Variants in NUBPL observed in about 807,000 individuals in gnomAD.
NUBPL encodes iron-sulfur cluster transfer protein NUBPL.
NUBPL carries 31 observed loss-of-function variants against 45.7 expected under a neutral mutation model. The observed-to-expected ratio is 0.68, with a 90% CI of 0.51 to 0.92. The LOEUF is 0.92. NUBPL is among the 40% of genes least tolerant of loss of function. The probability of loss-of-function intolerance (pLI) is 0.00; values close to 1 mark genes in which losing one functional copy is unlikely to be tolerated. For missense variants in NUBPL, 401 were observed against 398.7 expected (o/e 1.01, Z -0.05); for synonymous variants, 144 against 140.9 (o/e 1.02, Z -0.15).
intron 6 of NUBPL, among the ~76,000 whole-genome samples, chr14:31,719,156 C>T (rs2037753067): frequency 6.6e-6 from 1 of 152,186 alleles, no homozygotes; most frequent in Non-Finnish European, 1.5e-5. Context: ...TGTTTACCCT[C>T]ATGACTGAAT....
chr14:31,602,659 A>G (rs1301863929), intron 4 of NUBPL, among the ~76,000 whole-genome samples: 1 of 152,166 alleles, frequency 6.6e-6, no homozygotes, highest in Non-Finnish European at 1.5e-5. Flanking sequence ...AAATAGTTAC[A>G]ACTACTGTGA....
At chr14:31,724,397 AT>A (rs1305761093) in intron 6 of NUBPL, among the ~76,000 whole-genome samples, 3 of 152,184 alleles carry the variant, frequency 2.0e-5, no homozygotes, top group African/African-American at 7.2e-5. Context: ...TTTTGAAGGC[AT>A]TTTATTGATT....
At chr14:31,618,080 C>A (rs925351257) in intron 4 of NUBPL, among the ~76,000 whole-genome samples, 1 of 152,122 alleles carries the variant, frequency 6.6e-6, no homozygotes, top group Non-Finnish European at 1.5e-5. Context: ...TTATAGTATT[C>A]TCTCATGGTA....
intron 6 of NUBPL, among the ~76,000 whole-genome samples, chr14:31,688,316 G>C (rs747779086): frequency 6.6e-6 from 1 of 152,052 alleles, no homozygotes; most frequent in Non-Finnish European, 1.5e-5. Context: ...GGTGGTTCAC[G>C]CCTGTAATCC....
chr14:31,787,408 G>A (rs2039303768), intron 6 of NUBPL, among the ~76,000 whole-genome samples: 1 of 151,976 alleles, frequency 6.6e-6, no homozygotes, highest in Admixed American at 6.6e-5. Flanking sequence ...TATTAGCATG[G>A]GAAATGCAAA....
chr14:31,721,810 T>C (rs2037815582), intron 6 of NUBPL, among the ~76,000 whole-genome samples: 1 of 152,088 alleles, frequency 6.6e-6, no homozygotes, highest in African/African-American at 2.4e-5. Context: ...TGTTCCCCTC[T>C]TTGTATTCAT....
intron 4 of NUBPL, among the ~76,000 whole-genome samples, chr14:31,669,684 A>G (rs938964172): frequency 6.6e-6 from 1 of 150,854 alleles, no homozygotes; most frequent in Non-Finnish European, 1.5e-5. Flanking sequence ...CTTATCATTT[A>G]GTTCCCACTT....
At chr14:31,645,950 T>C (rs564850823) in intron 4 of NUBPL, among the ~76,000 whole-genome samples, 3 of 152,176 alleles carry the variant, frequency 2.0e-5, no homozygotes, top group Non-Finnish European at 2.9e-5. Flanking sequence ...TATCCTGGAG[T>C]TATCTGTGTA....
At chr14:31,565,078 T>C in intron 3 of NUBPL, 30 bp downstream of exon 3, 1 of 1,348,712 alleles carries the variant, frequency 7.4e-7, no homozygotes, top group Non-Finnish European at 1.0e-6. Context: ...AATATTAATT[T>C]ATTAAAATGT....
At chr14:31,742,279 CAT>C (rs1491514434) in intron 6 of NUBPL, among the ~76,000 whole-genome samples, 2 of 149,010 alleles carry the variant, frequency 1.3e-5, no homozygotes, top group Admixed American at 6.7e-5. Flanking sequence ...CACACACACA[CAT>C]CTTCCTTTCC....
In NUBPL at chr14:31,605,770, CCTT is replaced by C. The variant is rs368434060; in HGVS notation, c.382+6404_382+6406del. ...TTCCTTCCTTCCTCCTTCTCCTTCT[CCTT>C]CTTCTTCTTCTTTTCCTTCCTCCTC... On this transcript the variant is annotated intron_variant, in intron 4 of 10. Transcript: ENST00000281081. Among the ~76,000 whole-genome samples the C allele has an allele frequency of 3.4e-4, 51 of 150,548 alleles. 1 individual carries two copies. The highest frequency in any genetic ancestry group is 1.3e-3 in the South Asian group (6 of 4,746).
chr14:31,766,687 G>T (rs2038918934), intron 6 of NUBPL, among the ~76,000 whole-genome samples: 1 of 152,152 alleles, frequency 6.6e-6, no homozygotes, highest in Non-Finnish European at 1.5e-5. Context: ...CAACTGTAAA[G>T]TCTCAAAGTA....
intron 4 of NUBPL, among the ~76,000 whole-genome samples, chr14:31,599,990 C>T (rs188375674): frequency 3.1e-3 from 451 of 146,540 alleles, no homozygotes; most frequent in Non-Finnish European, 5.8e-3. Context: ...GGTGTGATCT[C>T]GGCTCACTGC....
At chr14:31,643,533 T>G (rs1250777008) in intron 4 of NUBPL, among the ~76,000 whole-genome samples, 1 of 152,142 alleles carries the variant, frequency 6.6e-6, no homozygotes, top group Non-Finnish European at 1.5e-5. Context: ...TTTTAATGTG[T>G]TGTTGAATTC....
At chr14:31,761,764 C>T (rs560977066) in intron 6 of NUBPL, among the ~76,000 whole-genome samples, 2 of 152,238 alleles carry the variant, frequency 1.3e-5, no homozygotes, top group Admixed American at 6.5e-5. Context: ...TTAAGCAACA[C>T]TGATATTTGA....
intron 6 of NUBPL, among the ~76,000 whole-genome samples, chr14:31,776,591 A>T (rs1342594168): frequency 6.6e-6 from 1 of 152,016 alleles, no homozygotes; most frequent in Non-Finnish European, 1.5e-5. Flanking sequence ...TTCAGTCCTT[A>T]CTCCTTAGTC....
At chr14:31,708,071 T>C (rs2037492853) in intron 6 of NUBPL, among the ~76,000 whole-genome samples, 1 of 152,154 alleles carries the variant, frequency 6.6e-6, no homozygotes, top group South Asian at 2.1e-4. Flanking sequence ...CTTCCTCTGG[T>C]ATTTGAGAGA....
chr14:31,716,972 A>G (rs2037703866), intron 6 of NUBPL, among the ~76,000 whole-genome samples: 1 of 152,112 alleles, frequency 6.6e-6, no homozygotes, highest in Non-Finnish European at 1.5e-5. Flanking sequence ...GTTTTTTGGG[A>G]AAGCTGTAAC....
intron 4 of NUBPL, among the ~76,000 whole-genome samples, chr14:31,631,548 G>T (rs1452668429): frequency 6.6e-6 from 1 of 151,668 alleles, no homozygotes; most frequent in African/African-American, 2.4e-5. Context: ...AATTATGGAG[G>T]CTAAGTCCCA....
Sources: allele counts gnomAD v4.1 joint callset (sites outside exome capture counted in the v4.1 genomes callset), GRCh38; gene constraint gnomAD v4.1.1; transcripts MANE v1.5; gene names NCBI Gene and HGNC (gene_info 2026-07-23, HGNC 2026-07-21).